Variants in FARP2 observed in about 807,000 individuals in gnomAD.
The protein encoded by FARP2 is FERM, ARH/RhoGEF and pleckstrin domain protein 2, also known as FERM, ARHGEF and pleckstrin domain-containing protein 2.
FARP2 carries 111 observed loss-of-function variants against 130.5 expected under a neutral mutation model. The observed-to-expected ratio is 0.85, with a 90% CI of 0.73 to 1.00. The LOEUF (loss-of-function observed/expected upper bound fraction) is 1.00. Ranked by LOEUF, FARP2 falls within the 50% of genes least tolerant of loss-of-function variation. The pLI is 0.00. For missense variants in FARP2, 1,385 were observed against 1,346.3 expected, an observed-to-expected ratio of 1.03 and a Z score of -0.45; for synonymous variants, 504 against 516.9, an observed-to-expected ratio of 0.98 and a Z score of 0.34.
intron 12 of FARP2, among the ~76,000 whole-genome samples, chr2:241,439,339 C>CT (rs1366913883): frequency 1.3e-5 from 2 of 150,718 alleles, no homozygotes; most frequent in African/African-American, 2.4e-5. Flanking sequence ...ATTTTTTTTT[C>CT]TTTTTTTTGA....
chr2:241,463,741 T>G, intron 16 of FARP2, 158 bp from the exon 17 acceptor site: 1 of 699,760 alleles, frequency 1.4e-6, no homozygotes, highest in Non-Finnish European at 2.4e-6. Flanking sequence ...TAATAGCAGC[T>G]TCCATCCAGG....
chr2:241,483,983 C>G, intron 20 of FARP2: 1 of 1,320,322 alleles, frequency 7.6e-7, no homozygotes, highest in Non-Finnish European at 9.7e-7. Context: ...TCAGCACCAG[C>G]CAGAATTCCT....
intron 1 of FARP2, among the ~76,000 whole-genome samples, chr2:241,366,253 T>C (rs778416104): frequency 6.6e-6 from 1 of 151,356 alleles, no homozygotes; most frequent in Non-Finnish European, 1.5e-5. Flanking sequence ...ATCTTGCTTT[T>C]TTCTGTAAAG....
intron 8 of FARP2, among the ~76,000 whole-genome samples, chr2:241,420,671 C>T (rs924734418): frequency 3.9e-5 from 6 of 152,180 alleles, no homozygotes; most frequent in African/African-American, 9.7e-5. Context: ...CTGGTCTGCA[C>T]GCCAGGCAGG....
At chr2:241,402,855 TATATATATATATATATATATATA>T (rs2062213737) in intron 2 of FARP2, among the ~76,000 whole-genome samples, 2 of 11,484 alleles carry the variant, frequency 1.7e-4, no homozygotes, top group Non-Finnish European at 4.3e-4. Flanking sequence ...TATATATATA[TATATATATATATATATATATATA>T]TATTTTTTTT....
chr2:241,412,133 A>G (rs1436803126), intron 6 of FARP2, among the ~76,000 whole-genome samples: 1 of 152,202 alleles, frequency 6.6e-6, no homozygotes, highest in South Asian at 2.1e-4. Flanking sequence ...GGCTGCGGGT[A>G]AGAATATTGT....
chr2:241,385,996 A>G (rs1477422107), intron 2 of FARP2, among the ~76,000 whole-genome samples: 1 of 152,186 alleles, frequency 6.6e-6, no homozygotes, highest in Non-Finnish European at 1.5e-5. Flanking sequence ...CACTATGGTT[A>G]TTTGTCCAAA....
Position 241,373,296 on chromosome 2 carries a change from A to G in FARP2, c.183+6A>G. 1 of 1,399,090 alleles carries G rather than the reference A, an allele frequency of 7.1e-7. No individual in the cohort carries two copies. Among genetic ancestry groups the G allele is most frequent in the East Asian group, 2.7e-5 (1 of 37,524 alleles). The allele number at this position is 1,399,090 out of a possible 1,614,324, so 86.7% of individuals were successfully genotyped here. A position where few individuals can be genotyped will look rare whatever the true frequency, so the allele number is the denominator to read the frequency against. ...TGGAAATATTTGACATTGAGGTAAG[A>G]AGCATGATTTTTGGAGGCATATTTC... is the stretch of plus-strand genomic sequence containing the variant. On this transcript the variant is annotated splice_donor_region_variant and intron_variant, in intron 2 of 26. Coordinates refer to ENST00000264042, the MANE Select transcript of FARP2 (RefSeq NM_014808.4).
intron 13 of FARP2, among the ~76,000 whole-genome samples, chr2:241,455,587 G>T (rs2063809144): frequency 6.8e-6 from 1 of 148,138 alleles, no homozygotes; most frequent in South Asian, 2.1e-4. Context: ...TCACCATGTT[G>T]GCCAGGCTGG....
chr2:241,429,919 T>C (rs1272316303), intron 8 of FARP2, among the ~76,000 whole-genome samples: 1 of 152,218 alleles, frequency 6.6e-6, no homozygotes, highest in Non-Finnish European at 1.5e-5. Flanking sequence ...GGTTACTTTT[T>C]GTCCTTTGTT....
At chr2:241,478,548 C>A (rs1559807743) in intron 19 of FARP2, 2 of 447,984 alleles carry the variant, frequency 4.5e-6, no homozygotes, top group Non-Finnish European at 9.2e-6. Flanking sequence ...AAGGATGAAA[C>A]TGTTGCCTAT....
Position 241,482,576 on chromosome 2 carries a change from A to G in FARP2, c.2263-889A>G, listed in dbSNP as rs1192649080. Among the ~76,000 whole-genome samples, 2 of 152,166 alleles carry G rather than the reference A, an allele frequency of 1.3e-5. No homozygotes were observed. Among genetic ancestry groups the G allele is most frequent in the Non-Finnish European group, 2.9e-5 (2 of 68,020 alleles). Reference sequence around the variant, plus strand: ...CCATCCAGTTAACGCAAATGCATCCATATGACCACCTTCTTCATTGTGTGG... The same window carrying G: ...CCATCCAGTTAACGCAAATGCATCCGTATGACCACCTTCTTCATTGTGTGG... On this transcript the variant is annotated intron_variant, in intron 19 of 26. Coordinates refer to ENST00000264042, the MANE Select transcript of FARP2 (RefSeq NM_014808.4). This position sits in a 1 kb window ranked among gnomAD's most constrained non-coding sequence, Gnocchi z 4.6.
chr2:241,408,534 T>C (rs1559741636), intron 5 of FARP2, among the ~76,000 whole-genome samples: 1 of 110,982 alleles, frequency 9.0e-6, no homozygotes, highest in Non-Finnish European at 1.8e-5. Flanking sequence ...AGAGCGAAAC[T>C]CTGTCTCAAA....
intron 2 of FARP2, chr2:241,386,908 A>G (rs3771557): frequency 0.77 from 117,498 of 152,214 alleles, 45,549 homozygotes; most frequent in Middle Eastern, 0.85. Flanking sequence ...TCTCACTTGT[A>G]CCTTTTTGGC....
At chr2:241,372,091 A>G (rs531866334) in intron 1 of FARP2, among the ~76,000 whole-genome samples, 1 of 120,930 alleles carries the variant, frequency 8.3e-6, no homozygotes, top group South Asian at 2.6e-4. Flanking sequence ...AATGACAAGC[A>G]TAGCACTGTT....
intron 1 of FARP2, among the ~76,000 whole-genome samples, chr2:241,361,794 G>T (rs1477913035): frequency 6.6e-6 from 1 of 152,140 alleles, no homozygotes; most frequent in Non-Finnish European, 1.5e-5. Flanking sequence ...GAGCTAGTGG[G>T]AATGTGTTTG....
At chr2:241,463,603 G>A in intron 16 of FARP2, 135 bp downstream of exon 16, 1 of 992,304 alleles carries the variant, frequency 1.0e-6, no homozygotes, top group Non-Finnish European at 1.5e-6. Flanking sequence ...GAGCCTGTGG[G>A]GAGAGGTACA....
At chr2:241,436,406 C>T in intron 11 of FARP2, 75 bp from the exon 12 acceptor site, 3 of 1,304,268 alleles carry the variant, frequency 2.3e-6, no homozygotes, top group South Asian at 1.2e-5. Context: ...GGATACAGTA[C>T]ATGCTTGCTG....
At position 241,456,822 on chromosome 2, in the gene FARP2, T is replaced by C; in HGVS notation, c.1487T>C (p.Val496Ala). ...SPLSLSPAFQ[V>A]PLGPAEQGSS... ...CTGAGTCTGAGCCCTGCATTTCAGG[T>C]GCCTTTGGGCCCAGCTGAACAGGGC... is the stretch of plus-strand genomic sequence containing the variant. Residue 496 changes from valine to alanine, a missense_variant, in exon 14 of 27, where the codon GTG becomes GCG. Transcript: ENST00000264042. The C allele has an allele frequency of 6.2e-7, 1 of 1,614,076 alleles. No individual in the cohort carries two copies.
Sources: allele counts gnomAD v4.1 joint callset (sites outside exome capture counted in the v4.1 genomes callset), GRCh38; gene constraint gnomAD v4.1.1; non-coding constraint Gnocchi (gnomAD v3.1); transcripts MANE v1.5; gene names NCBI Gene and HGNC (gene_info 2026-07-23, HGNC 2026-07-21).